Variants in PCDHGA5 observed in about 807,000 individuals in gnomAD.
PCDHGA5 encodes protocadherin gamma subfamily A, 5.
A neutral mutation model predicts 56.7 loss-of-function variants in PCDHGA5; 36 were observed. The ratio of observed to expected loss-of-function variants is 0.64; its 90% CI spans 0.49 to 0.84. The LOEUF is 0.84. Ranked by LOEUF, PCDHGA5 falls within the 40% of genes least tolerant of loss-of-function variation. The probability of loss-of-function intolerance (pLI) is 0.00; values close to 1 mark genes in which losing one functional copy is unlikely to be tolerated. For missense variants in PCDHGA5, 1,305 were observed against 1,201.5 expected (o/e 1.09, Z -1.27); for synonymous variants, 563 against 520.2 (o/e 1.08, Z -1.12).
At chr5:141,429,597 G>A (rs937301997) in intron 1 of PCDHGA5, among the ~76,000 whole-genome samples, 2 of 152,094 alleles carry the variant, frequency 1.3e-5, no homozygotes, top group Non-Finnish European at 2.9e-5. Flanking sequence ...TGTAATTCAA[G>A]TAAACTCAAT....
At chr5:141,466,376 C>A (rs1046432765) in intron 1 of PCDHGA5, among the ~76,000 whole-genome samples, 1 of 151,904 alleles carries the variant, frequency 6.6e-6, no homozygotes, top group Non-Finnish European at 1.5e-5. Flanking sequence ...GTTTTGGCAC[C>A]CATCTAATGG....
intron 1 of PCDHGA5, among the ~76,000 whole-genome samples, chr5:141,468,088 G>T (rs186503104): frequency 6.6e-6 from 1 of 152,186 alleles, no homozygotes; most frequent in East Asian, 1.9e-4. Context: ...ACTTTGGGAG[G>T]TTGAGGCAGG....
chr5:141,507,796 G>GGGAA (rs2099863457), intron 3 of PCDHGA5, among the ~76,000 whole-genome samples: 1 of 152,220 alleles, frequency 6.6e-6, no homozygotes, highest in Admixed American at 6.5e-5. Flanking sequence ...GTCTAAGCCT[G>GGGAA]CGCCCTGGGG....
intron 1 of PCDHGA5, chr5:141,421,906 G>C: frequency 6.2e-7 from 1 of 1,613,770 alleles, no homozygotes; most frequent in Non-Finnish European, 8.5e-7. Context: ...AAAGGGCGCA[G>C]TTCCCATTCG....
rs544678317 is a variant in PCDHGA5, at chr5:141,430,911, A to C, written c.2422-63896A>C. The C allele has an allele frequency of 1.9e-5, 31 of 1,607,958 alleles. No homozygotes were observed. The Admixed American group carries it at 2.2e-4, about 11-fold the overall frequency. ...TCTAGGGTGGGCGACATCTCCAGGG[A>C]CCTGGGGCTGGAGCCCCGGGAGCTC... On this transcript the variant is annotated intron_variant, in intron 1 of 3. Transcript: ENST00000518069.
Position 141,364,628 on chromosome 5 carries a change from C to T in PCDHGA5, c.298C>T (p.Pro100Ser), listed in dbSNP as rs1484570270. The T allele has an allele frequency of 1.1e-5, 17 of 1,613,958 alleles. No homozygotes were observed. The highest frequency in any genetic ancestry group is 1.1e-5 in the Non-Finnish European group (13 of 1,179,960). ...IDREELCAQS[P>S]LCVVNFNILV... is the part of the protein sequence containing the mutation. ...CCGGGAGGAGCTCTGCGCTCAGAGCCCACTGTGTGTGGTGAACTTTAACAT... is the reference window on the plus strand; with the variant it reads ...CCGGGAGGAGCTCTGCGCTCAGAGCTCACTGTGTGTGGTGAACTTTAACAT... Residue 100 changes from proline (P) to serine (S), a missense_variant, in exon 1 of 4, where the codon CCA becomes TCA. Pro to Ser is a moderately conservative substitution (Grantham distance 74). Coordinates refer to ENST00000518069, the MANE Select transcript of PCDHGA5 (RefSeq NM_018918.3).
intron 1 of PCDHGA5, among the ~76,000 whole-genome samples, chr5:141,448,614 A>G (rs985924011): frequency 1.3e-5 from 2 of 152,070 alleles, no homozygotes; most frequent in East Asian, 1.9e-4. Flanking sequence ...ACCACTTTAT[A>G]TCTTCCTTTC....
At chr5:141,405,931 C>CT (rs1439525242) in intron 1 of PCDHGA5, among the ~76,000 whole-genome samples, 2 of 152,062 alleles carry the variant, frequency 1.3e-5, no homozygotes, top group Non-Finnish European at 2.9e-5. Context: ...GCTGATATAA[C>CT]TTTCATGTTC....
At chr5:141,372,421 G>A (rs1406028554) in intron 1 of PCDHGA5, 2 of 1,614,058 alleles carry the variant, frequency 1.2e-6, no homozygotes, top group Non-Finnish European at 1.7e-6. Context: ...CCTGACCTTA[G>A]CGACCGCCCC....
At chr5:141,376,270 A>G (rs776888332) in intron 1 of PCDHGA5, 1 of 1,614,118 alleles carries the variant, frequency 6.2e-7, no homozygotes, top group African/African-American at 1.3e-5. Flanking sequence ...AGGCTTCGGG[A>G]GGTGGCTTAG....
chr5:141,385,730 A>G (rs763520161), intron 1 of PCDHGA5: 8 of 214,510 alleles, frequency 3.7e-5, no homozygotes, highest in Non-Finnish European at 5.7e-5. Flanking sequence ...GTTCTGAAAG[A>G]TTTCTTCCAT....
At chr5:141,389,008 G>A in intron 1 of PCDHGA5, 1 of 1,613,992 alleles carries the variant, frequency 6.2e-7, no homozygotes. Flanking sequence ...AAGGATTCCA[G>A]ACACAATGGA....
In PCDHGA5 at chr5:141,485,624, C is replaced by T; in HGVS notation, c.2422-9183C>T. 1 of 1,611,640 alleles carries T rather than the reference C, an allele frequency of 6.2e-7. No homozygotes were observed. The highest frequency in any genetic ancestry group is 1.1e-5 in the South Asian group (1 of 90,868). The stretch of plus-strand genomic sequence containing the variant: ...TGGGGAGGCAGCTCCTCCAGGACAG[C>T]GTTTCCCGTTGGAAAAGGCTCAGGA... On this transcript the variant is annotated intron_variant, in intron 1 of 3. Transcript: ENST00000518069. This position sits in a 1 kb window ranked among gnomAD's most constrained non-coding sequence, Gnocchi z 5.7.
intron 1 of PCDHGA5, among the ~76,000 whole-genome samples, chr5:141,463,377 G>T (rs1161419035): frequency 2.7e-5 from 4 of 147,358 alleles, no homozygotes; most frequent in Non-Finnish European, 3.0e-5. Flanking sequence ...CCCACAGTCT[G>T]AAAGTTGTCT....
In PCDHGA5 at chr5:141,477,116, G is replaced by A. The variant is rs771557201; in HGVS notation, c.2422-17691G>A. ...AGACAAGGGCGCCAATCCCGAAGGA[G>A]CACATTGCAAAGTGTTGGTGGAGGT... On this transcript the variant is annotated intron_variant, in intron 1 of 3. Transcript: ENST00000518069. This position sits in a 1 kb window ranked among gnomAD's most constrained non-coding sequence, Gnocchi z 4.9. 1 of 1,614,252 alleles carries A rather than the reference G, an allele frequency of 6.2e-7. No homozygotes were observed. The highest frequency in any genetic ancestry group is 8.5e-7 in the Non-Finnish European group (1 of 1,180,052).
chr5:141,374,949 C>T (rs1770969144), intron 1 of PCDHGA5: 1 of 1,614,022 alleles, frequency 6.2e-7, no homozygotes, highest in African/African-American at 1.3e-5. Context: ...GAAAAGATCT[C>T]ACAAATTTTC....
At chr5:141,449,531 G>A (rs1421489293) in intron 1 of PCDHGA5, among the ~76,000 whole-genome samples, 2 of 149,216 alleles carry the variant, frequency 1.3e-5, no homozygotes, top group Admixed American at 6.7e-5. Flanking sequence ...GGAGGTTGCA[G>A]TGAGCCGAGA....
In PCDHGA5 at chr5:141,388,635, C is replaced by A. The variant is rs1441074974; in HGVS notation, c.2421+21884C>A. The A allele has an allele frequency of 4.3e-6, 7 of 1,613,896 alleles. No homozygotes were observed. The highest frequency in any genetic ancestry group is 5.9e-6 in the Non-Finnish European group (7 of 1,179,864). On this transcript the variant is annotated intron_variant, in intron 1 of 3. Transcript: ENST00000518069. ...CAGTCAAGACGTATACAGGGTGAGC[C>A]TTTCAGAAAACGTGTACCCGGGGAC...
intron 1 of PCDHGA5, among the ~76,000 whole-genome samples, chr5:141,457,171 T>C (rs1337137368): frequency 3.3e-5 from 5 of 152,216 alleles, no homozygotes; most frequent in Non-Finnish European, 7.3e-5. Flanking sequence ...GATAACCCTA[T>C]TGCAAATAGT....
Sources: allele counts gnomAD v4.1 joint callset (sites outside exome capture counted in the v4.1 genomes callset), GRCh38; gene constraint gnomAD v4.1.1; non-coding constraint Gnocchi (gnomAD v3.1); transcripts MANE v1.5; gene names NCBI Gene and HGNC (gene_info 2026-07-23, HGNC 2026-07-21).